Variants in TRPS1 observed in about 807,000 individuals in gnomAD.
The protein encoded by TRPS1 is transcriptional repressor GATA binding 1, also known as zinc finger transcription factor Trps1.
In TRPS1, 6 loss-of-function variants were observed where a neutral mutation model predicts 101.2. That is an observed-to-expected ratio of 0.06 (90% confidence interval 0.03 to 0.12). TRPS1 has a LOEUF of 0.12. Among genes scored for constraint, TRPS1 ranks in the 10% least tolerant of loss-of-function variants. The pLI is 1.00. For missense variants in TRPS1, 1,363 were observed against 1,567.0 expected (o/e 0.87, Z 2.20); for synonymous variants, 578 against 589.8 (o/e 0.98, Z 0.29).
chr8:115,625,797 A>G (rs957359010), intron 1 of TRPS1, among the ~76,000 whole-genome samples: 2 of 151,888 alleles, frequency 1.3e-5, no homozygotes, highest in African/African-American at 4.8e-5. Context: ...ACTCTAAAAA[A>G]TCAGGAGGGC....
At chr8:115,448,802 G>C (rs1813799179) in intron 5 of TRPS1, among the ~76,000 whole-genome samples, 2 of 152,164 alleles carry the variant, frequency 1.3e-5, no homozygotes, top group South Asian at 4.1e-4. Flanking sequence ...CTGACTCCTG[G>C]ATATTTGATG....
At chr8:115,642,261 T>TAC (rs778315947) in intron 1 of TRPS1, among the ~76,000 whole-genome samples, 42,001 of 148,002 alleles carry the variant, frequency 0.28, 6,197 homozygotes, top group Admixed American at 0.33. Flanking sequence ...TATATATATA[T>TAC]ACACACATAC....
At chr8:115,568,172 C>A (rs1817113925) in intron 5 of TRPS1, among the ~76,000 whole-genome samples, 1 of 151,804 alleles carries the variant, frequency 6.6e-6, no homozygotes, top group African/African-American at 2.4e-5. Context: ...TTGTACTCCC[C>A]CAGCAAAAAC....
At chr8:115,441,159 A>G (rs1159841750) in intron 5 of TRPS1, among the ~76,000 whole-genome samples, 1 of 152,200 alleles carries the variant, frequency 6.6e-6, no homozygotes, top group Non-Finnish European at 1.5e-5. Context: ...AATCACTCAG[A>G]TGTTTTAAGT....
At chr8:115,652,278 A>G (rs1811577866) in intron 1 of TRPS1, among the ~76,000 whole-genome samples, 1 of 152,184 alleles carries the variant, frequency 6.6e-6, no homozygotes, top group East Asian at 1.9e-4. Context: ...AATGTCAACA[A>G]ACAGAGGCGC....
chr8:115,611,116 C>CAAA (rs752834152), intron 3 of TRPS1, among the ~76,000 whole-genome samples: 1 of 64,960 alleles, frequency 1.5e-5, no homozygotes, highest in Admixed American at 1.6e-4. Flanking sequence ...GACTCCATAT[C>CAAA]AAAAAAAAAA....
intron 3 of TRPS1, among the ~76,000 whole-genome samples, chr8:115,615,540 C>A (rs944589755): frequency 1.3e-5 from 2 of 152,136 alleles, no homozygotes; most frequent in African/African-American, 2.4e-5. Flanking sequence ...GAGGCCGAGG[C>A]GGGTGGTCAG....
intron 5 of TRPS1, among the ~76,000 whole-genome samples, chr8:115,521,579 C>A: frequency 6.6e-6 from 1 of 151,696 alleles, no homozygotes; most frequent in East Asian, 1.9e-4. Context: ...ATAAATTATA[C>A]AATAATATCT....
chr8:115,446,568 C>G (rs1459545943), intron 5 of TRPS1, among the ~76,000 whole-genome samples: 1 of 152,154 alleles, frequency 6.6e-6, no homozygotes, highest in Non-Finnish European at 1.5e-5. Flanking sequence ...CTCTAAAATT[C>G]TTAGTTCTCC....
intron 2 of TRPS1, among the ~76,000 whole-genome samples, chr8:115,623,351 A>G (rs1818439164): frequency 6.6e-6 from 1 of 152,068 alleles, no homozygotes; most frequent in African/African-American, 2.4e-5. Context: ...TGAAGTAGCT[A>G]TAGAAGAAAT....
rs960422354 is a variant in TRPS1 at position 115,587,710 on chromosome 8, T to G, written c.2097-106A>C. The stretch of plus-strand genomic sequence containing the variant: ...TTTTCTACCTACTCATGCAATATAG[T>G]AGGTAGAAAGAAATGCAATATTCTT... On this transcript the variant is annotated intron_variant, in intron 4 of 6. Transcript: ENST00000395715. 2.2e-5 allele frequency: 34 copies of G among 1,573,346 alleles called. No individual in the cohort carries two copies. In the African/African-American group the frequency reaches 4.5e-4, roughly 21 times the overall value.
intron 5 of TRPS1, among the ~76,000 whole-genome samples, chr8:115,571,990 A>G (rs1013888832): frequency 1.3e-5 from 2 of 152,066 alleles, no homozygotes; most frequent in Non-Finnish European, 2.9e-5. Flanking sequence ...AAAGAAGATA[A>G]ACGTTTTGAA....
intron 5 of TRPS1, among the ~76,000 whole-genome samples, chr8:115,489,140 T>A (rs1814960158): frequency 6.6e-6 from 1 of 152,214 alleles, no homozygotes; most frequent in Admixed American, 6.5e-5. Flanking sequence ...ACATACCTGA[T>A]CTCAAGTGAA....
intron 5 of TRPS1, among the ~76,000 whole-genome samples, chr8:115,552,279 T>A (rs1816723140): frequency 6.6e-6 from 1 of 152,042 alleles, no homozygotes; most frequent in Admixed American, 6.6e-5. Flanking sequence ...CAAAAAAAAA[T>A]TAAAGTATCT....
At chr8:115,448,584 T>C (rs1369031060) in intron 5 of TRPS1, among the ~76,000 whole-genome samples, 3 of 152,268 alleles carry the variant, frequency 2.0e-5, no homozygotes, top group Non-Finnish European at 2.9e-5. Context: ...CATCCTCAAA[T>C]AGGTGTCTCT....
At chr8:115,451,124 A>G (rs1359147964) in intron 5 of TRPS1, among the ~76,000 whole-genome samples, 2 of 152,218 alleles carry the variant, frequency 1.3e-5, no homozygotes, top group African/African-American at 4.8e-5. Flanking sequence ...AATGCAAAGA[A>G]GGTAAAACCT....
chr8:115,491,509 G>A (rs1361506837), intron 5 of TRPS1, among the ~76,000 whole-genome samples: 3 of 152,092 alleles, frequency 2.0e-5, no homozygotes, highest in Admixed American at 1.3e-4. Flanking sequence ...GTGTGCTGGC[G>A]TATGCCTGTA....
At chr8:115,426,237 C>T (rs1813183259) in intron 5 of TRPS1, among the ~76,000 whole-genome samples, 1 of 152,126 alleles carries the variant, frequency 6.6e-6, no homozygotes, top group African/African-American at 2.4e-5. Context: ...ACAATTTTAG[C>T]ACCTCTTAAA....
intron 5 of TRPS1, among the ~76,000 whole-genome samples, chr8:115,481,623 T>G (rs538571104): frequency 2.0e-5 from 3 of 152,306 alleles, no homozygotes; most frequent in South Asian, 4.1e-4. Context: ...ACTTTCAGTG[T>G]TTGAAGAAGC....
Sources: allele counts gnomAD v4.1 joint callset (sites outside exome capture counted in the v4.1 genomes callset), GRCh38; gene constraint gnomAD v4.1.1; transcripts MANE v1.5; gene names NCBI Gene and HGNC (gene_info 2026-07-23, HGNC 2026-07-21).